Variants in MARCHF6 observed in about 807,000 individuals in gnomAD.
MARCHF6 encodes the protein membrane associated ring-CH-type finger 6.
MARCHF6 carries 31 observed loss-of-function variants against 133.7 expected under a neutral mutation model. The ratio of observed to expected loss-of-function variants is 0.23; its 90% CI spans 0.17 to 0.31. The LOEUF is 0.31. Ranked by LOEUF, MARCHF6 falls within the 10% of genes least tolerant of loss-of-function variation. The pLI, the probability that MARCHF6 is intolerant of heterozygous loss-of-function variation, is 1.00. For synonymous variants in MARCHF6, 395 were observed against 402.5 expected, an observed-to-expected ratio of 0.98 and a Z score of 0.22; for missense variants, 723 against 1,121.6, an observed-to-expected ratio of 0.64 and a Z score of 5.08.
intron 1 of MARCHF6, among the ~76,000 whole-genome samples, chr5:10,375,064 G>T (rs1231684694): frequency 6.6e-6 from 1 of 152,240 alleles, no homozygotes; most frequent in Non-Finnish European, 1.5e-5. Context: ...GGCGGCACTT[G>T]AGGAGCCCTT....
chr5:10,385,902 T>C (rs1234107196), intron 4 of MARCHF6, among the ~76,000 whole-genome samples: 2 of 152,232 alleles, frequency 1.3e-5, no homozygotes, highest in African/African-American at 4.8e-5. Context: ...ATTTCTGTTC[T>C]AATTTGTTTA....
chr5:10,417,909 G>A (rs1435792455), intron 22 of MARCHF6, among the ~76,000 whole-genome samples: 2 of 151,772 alleles, frequency 1.3e-5, no homozygotes, highest in African/African-American at 2.4e-5. Flanking sequence ...TTACTTTATA[G>A]GTTAAAATGT....
At chr5:10,405,946 G>A (rs1251075348) in intron 16 of MARCHF6, among the ~76,000 whole-genome samples, 1 of 152,044 alleles carries the variant, frequency 6.6e-6, no homozygotes, top group East Asian at 1.9e-4. Flanking sequence ...TGTTTTGGCT[G>A]GGTACTGGTG....
At chr5:10,381,074 A>T (rs1737111998) in intron 3 of MARCHF6, among the ~76,000 whole-genome samples, 1 of 152,184 alleles carries the variant, frequency 6.6e-6, no homozygotes, top group African/African-American at 2.4e-5. Flanking sequence ...GCCTTACTGG[A>T]GAAAGAATTG....
At chr5:10,379,058 G>A (rs955397590) in intron 3 of MARCHF6, among the ~76,000 whole-genome samples, 12 of 133,442 alleles carry the variant, frequency 9.0e-5, no homozygotes, top group African/African-American at 3.1e-4. Flanking sequence ...TTTGAGATTT[G>A]TGGGGTGTTT....
intron 9 of MARCHF6, 133 bp from the exon 10 acceptor site, chr5:10,397,160 C>T: frequency 1.7e-6 from 1 of 579,820 alleles, no homozygotes; most frequent in Non-Finnish European, 2.9e-6. Flanking sequence ...GATTGAAATC[C>T]CAAAACAATA....
In MARCHF6 at chr5:10,435,398, GTAT is replaced by G. The variant is rs1740559048; in HGVS notation, c.*1715_*1717del. On this transcript the variant is annotated 3_prime_UTR_variant, in exon 26 of 26. Transcript: ENST00000274140. ...AAATTGGAAAAAAAAAAAAAAATCA[GTAT>G]CAGAAATAATGCTTGACATAGGATT... 6.7e-6 allele frequency: 1 copy of G among 149,798 alleles called. No individual in the cohort carries two copies. Among genetic ancestry groups the G allele is most frequent in the African/African-American group, 2.5e-5 (1 of 40,530 alleles). 9.3% of individuals were successfully genotyped at this position (149,798 alleles called of 1,614,324 possible).
At chr5:10,358,180 A>G (rs936523618) in intron 1 of MARCHF6, among the ~76,000 whole-genome samples, 3 of 152,274 alleles carry the variant, frequency 2.0e-5, no homozygotes, top group Middle Eastern at 3.4e-3. Context: ...AGTGTCTAAG[A>G]TGGGAGCATG....
intron 19 of MARCHF6, among the ~76,000 whole-genome samples, chr5:10,412,667 G>C (rs1382559017): frequency 6.6e-6 from 1 of 152,134 alleles, no homozygotes; most frequent in Non-Finnish European, 1.5e-5. Flanking sequence ...TAACCTCCTG[G>C]GTTCAAGCGA....
intron 9 of MARCHF6, among the ~76,000 whole-genome samples, chr5:10,396,275 G>A (rs564033849): frequency 5.8e-4 from 88 of 152,306 alleles, no homozygotes; most frequent in African/African-American, 2.0e-3. Flanking sequence ...GTGACAAAAA[G>A]TGTGCATAGG....
At chr5:10,395,701 T>G (rs1439695730) in intron 9 of MARCHF6, among the ~76,000 whole-genome samples, 2 of 152,182 alleles carry the variant, frequency 1.3e-5, no homozygotes, top group Non-Finnish European at 2.9e-5. Flanking sequence ...AGAGGAAGAA[T>G]GGGCTTGAGG....
chr5:10,422,668 C>G (rs538085069), intron 22 of MARCHF6, among the ~76,000 whole-genome samples: 1 of 151,334 alleles, frequency 6.6e-6, no homozygotes, highest in East Asian at 1.9e-4. Context: ...ATGTATCAAC[C>G]TCTCACCCCA....
chr5:10,428,331 GTTTTTT>G (rs10604024), intron 24 of MARCHF6, among the ~76,000 whole-genome samples: 3 of 75,784 alleles, frequency 4.0e-5, no homozygotes, highest in Non-Finnish European at 7.0e-5. Context: ...TTGCTTTTTA[GTTTTTT>G]TTTTTTTTTT....
chr5:10,401,943 G>A (rs756552486), intron 11 of MARCHF6, 116 bp from the exon 12 acceptor site: 12 of 671,826 alleles, frequency 1.8e-5, no homozygotes, highest in South Asian at 9.3e-5. Flanking sequence ...GTTGTTTCCT[G>A]GTTATAAATT....
At chr5:10,411,211 T>C (rs901530289) in intron 18 of MARCHF6, 122 bp from the exon 19 acceptor site, 1 of 756,920 alleles carries the variant, frequency 1.3e-6, no homozygotes, top group Non-Finnish European at 2.2e-6. Flanking sequence ...AATAATGTGG[T>C]GCACAAATTC....
At chr5:10,368,026 G>T (rs1034466649) in intron 1 of MARCHF6, among the ~76,000 whole-genome samples, 1 of 152,010 alleles carries the variant, frequency 6.6e-6, no homozygotes, top group Non-Finnish European at 1.5e-5. Flanking sequence ...CGAATCTGAT[G>T]GGGGGGAGCC....
intron 9 of MARCHF6, 104 bp from the exon 10 acceptor site, chr5:10,397,189 T>C (rs944373835): frequency 1.6e-5 from 12 of 737,208 alleles, no homozygotes; most frequent in Non-Finnish European, 2.4e-5. Context: ...ATTTCAATCT[T>C]AGCTGTTTTT....
Position 10,402,423 on chromosome 5 carries a change from T to A in MARCHF6, c.1093T>A (p.Leu365Ile). The A allele has an allele frequency of 1.9e-6, 3 of 1,614,024 alleles. No homozygotes were observed. Among genetic ancestry groups the A allele is most frequent in the Non-Finnish European group, 2.5e-6 (3 of 1,179,910 alleles). Residue 365 changes from leucine (L) to isoleucine (I), a missense_variant, in exon 13 of 26, where the codon TTA (leucine) becomes ATA (isoleucine). Physicochemically the swap from Leu to Ile is conservative, Grantham distance 5. Transcript: ENST00000274140. The stretch of plus-strand genomic sequence containing the variant: ...TGTGAAATTTCATAGATCTCGTCGC[T>A]TACTGGGAGTCTGCTATATTGTTGT... ...TLVKFHRSRR[L>I]LGVCYIVVKV...
intron 21 of MARCHF6, 120 bp from the exon 22 acceptor site, chr5:10,417,150 G>A (rs1739557435): frequency 7.8e-6 from 9 of 1,147,888 alleles, no homozygotes; most frequent in Admixed American, 4.9e-5. Context: ...ACCAGTCCCC[G>A]TGGATACTGA....
Sources: allele counts gnomAD v4.1 joint callset (sites outside exome capture counted in the v4.1 genomes callset), GRCh38; gene constraint gnomAD v4.1.1; transcripts MANE v1.5; gene names NCBI Gene and HGNC (gene_info 2026-07-23, HGNC 2026-07-21).